Variants in POLR3G observed in about 807,000 individuals in gnomAD.
POLR3G encodes the protein DNA-directed RNA polymerase III subunit RPC7.
A neutral mutation model predicts 30.1 loss-of-function variants in POLR3G; 28 were observed. The ratio of observed to expected loss-of-function variants is 0.93; its 90% confidence interval spans 0.69 to 1.27. The LOEUF (loss-of-function observed/expected upper bound fraction) is 1.27, where lower values mean the gene tolerates loss of function less well. Among genes scored for constraint, POLR3G ranks in the 50% most tolerant of loss-of-function variants. POLR3G has a pLI of 0.00. For synonymous variants in POLR3G, 79 were observed against 82.5 expected (o/e 0.96, Z 0.23); for missense variants, 254 against 264.6 (o/e 0.96, Z 0.28).
chr5:90,501,844 A>T, intron 5 of POLR3G, 62 bp from the exon 6 acceptor site: 1 of 1,587,922 alleles, frequency 6.3e-7, no homozygotes, highest in Non-Finnish European at 8.6e-7. Context: ...ACGCAAAGAC[A>T]AGGAAATATA....
intron 2 of POLR3G, among the ~76,000 whole-genome samples, chr5:90,487,378 ATTTTTTTTTTTTTT>A (rs59951999): frequency 8.8e-5 from 5 of 57,020 alleles, no homozygotes; most frequent in Non-Finnish European, 1.5e-4. Context: ...TGGTACATTA[ATTTTTTTTTTTTTT>A]TTTTTTTTTT....
upstream of POLR3G, chr5:90,474,628 A>T: frequency 6.0e-6 from 2 of 331,926 alleles, no homozygotes; most frequent in South Asian, 5.9e-5. Flanking sequence ...ATGGAGACTC[A>T]GGTGGCGACC....
At chr5:90,504,020 G>A (rs1327645830) in intron 6 of POLR3G, among the ~76,000 whole-genome samples, 1 of 152,198 alleles carries the variant, frequency 6.6e-6, no homozygotes, top group Non-Finnish European at 1.5e-5. Flanking sequence ...AGACTAGTAA[G>A]TAGAAGAGCT....
At chr5:90,499,918 T>C (rs1752168297) in intron 5 of POLR3G, among the ~76,000 whole-genome samples, 1 of 152,166 alleles carries the variant, frequency 6.6e-6, no homozygotes, top group Admixed American at 6.5e-5. Context: ...AATATATTAT[T>C]TTCATAATAA....
Position 90,514,062 on chromosome 5 carries a change from G to C in POLR3G, c.*1923G>C, listed in dbSNP as rs1325937778. The C allele has an allele frequency of 1.3e-5, 2 of 152,154 alleles. No individual in the cohort carries two copies. The highest frequency in any genetic ancestry group is 2.9e-5 in the Non-Finnish European group (2 of 68,024). 9.4% of individuals were successfully genotyped at this position (152,154 alleles called of 1,614,324 possible). ...GACCATTTTAGTCTTGCAGATAGCA[G>C]GGCAGCCCCTTGGGGCAAGGATTTA... On this transcript the variant is annotated 3_prime_UTR_variant, in exon 8 of 8. Coordinates refer to ENST00000651687, the MANE Select transcript of POLR3G (RefSeq NM_006467.3).
At chr5:90,491,130 T>C (rs979690294) in intron 3 of POLR3G, among the ~76,000 whole-genome samples, 1 of 152,252 alleles carries the variant, frequency 6.6e-6, no homozygotes, top group African/African-American at 2.4e-5. Context: ...ACTGATGGCA[T>C]GGAATGAACA....
upstream of POLR3G, chr5:90,474,419 G>C (rs1465046969): frequency 3.5e-6 from 3 of 848,940 alleles, no homozygotes; most frequent in Admixed American, 7.8e-5. Flanking sequence ...CGTAGAGCGA[G>C]GCGGGGGCGT....
intron 3 of POLR3G, among the ~76,000 whole-genome samples, chr5:90,490,280 T>G (rs544107350): frequency 2.0e-5 from 3 of 151,646 alleles, no homozygotes; most frequent in Non-Finnish European, 4.4e-5. Context: ...AAGGGTTTTT[T>G]TTTTTTTTTT....
chr5:90,478,596 C>T (rs1278024038), intron 1 of POLR3G, among the ~76,000 whole-genome samples: 5 of 12,636 alleles, frequency 4.0e-4, no homozygotes, highest in Non-Finnish European at 9.4e-4. Flanking sequence ...TGAGAGGGAG[C>T]CTCACTCTGT....
In POLR3G at chr5:90,513,535, CAT is replaced by C. The variant is rs1752830364; in HGVS notation, c.*1397_*1398del. 6.6e-6 allele frequency: 1 copy of C among 152,534 alleles called. No individual in the cohort carries two copies. Among genetic ancestry groups the C allele is most frequent in the African/African-American group, 2.4e-5 (1 of 41,444 alleles). 9.4% of individuals were successfully genotyped at this position (152,534 alleles called of 1,614,324 possible). On this transcript the variant is annotated 3_prime_UTR_variant, in exon 8 of 8. Coordinates refer to ENST00000651687, the MANE Select transcript of POLR3G (RefSeq NM_006467.3). Reference sequence around the variant, plus strand: ...TAACTGAAAGCACAATTTTAAGAAACATGTTTTCCTCACAAAATATATTGTAA... The same window carrying C: ...TAACTGAAAGCACAATTTTAAGAAACGTTTTCCTCACAAAATATATTGTAA...
chr5:90,491,709 T>C (rs1751733529), intron 3 of POLR3G, among the ~76,000 whole-genome samples: 1 of 152,156 alleles, frequency 6.6e-6, no homozygotes. Context: ...AATTATGGAA[T>C]CTGAGTGATC....
chr5:90,496,626 A>C (rs751800171), intron 4 of POLR3G, among the ~76,000 whole-genome samples: 2 of 152,230 alleles, frequency 1.3e-5, no homozygotes, highest in Non-Finnish European at 2.9e-5. Flanking sequence ...TTGTCATAGA[A>C]ATAAAGTGAC....
At chr5:90,493,917 C>T (rs941257606) in intron 3 of POLR3G, among the ~76,000 whole-genome samples, 6 of 151,496 alleles carry the variant, frequency 4.0e-5, no homozygotes, top group African/African-American at 1.2e-4. Flanking sequence ...ACCATGTTGG[C>T]CCGGCTGGTC....
At chr5:90,474,015 T>C (rs749328519), upstream of POLR3G, 22 of 1,596,410 alleles carry the variant, frequency 1.4e-5, no homozygotes, top group African/African-American at 2.7e-5. Flanking sequence ...GTCGAACTGG[T>C]AGAGGCCGCC....
At chr5:90,510,915 G>A (rs1197834239) in intron 7 of POLR3G, among the ~76,000 whole-genome samples, 1 of 150,476 alleles carries the variant, frequency 6.6e-6, no homozygotes, top group African/African-American at 2.4e-5. Flanking sequence ...ATTGATAGGA[G>A]ACTTTCTTTT....
At chr5:90,484,075 G>A (rs779608232) in intron 1 of POLR3G, among the ~76,000 whole-genome samples, 6 of 152,082 alleles carry the variant, frequency 3.9e-5, no homozygotes, top group Non-Finnish European at 7.3e-5. Context: ...GAATCACCTG[G>A]GAAGCTTCTA....
intron 1 of POLR3G, among the ~76,000 whole-genome samples, chr5:90,475,344 A>C (rs546045008): frequency 2.8e-4 from 42 of 152,308 alleles, no homozygotes; most frequent in African/African-American, 9.9e-4. Context: ...TCATTGCCGC[A>C]GATTGCAGCT....
rs529026659 is a variant in POLR3G, at chr5:90,488,678, T to G, written c.247+549T>G. Among the ~76,000 whole-genome samples the G allele has an allele frequency of 1.4e-3, 216 of 152,340 alleles. 3 individuals are homozygous for G. Among genetic ancestry groups the G allele is most frequent in the Non-Finnish European group, 9.6e-4 (65 of 68,020 alleles). ...TTGCTTGTATATATAATGCCGTGATTGTTATCATTATACATAAACCTTTAT... is the reference window on the plus strand; with the variant it reads ...TTGCTTGTATATATAATGCCGTGATGGTTATCATTATACATAAACCTTTAT... On this transcript the variant is annotated intron_variant, in intron 3 of 7. Transcript: ENST00000651687.
rs1056127952 is a variant in POLR3G, at chr5:90,512,334, A to G, written c.*195A>G. Reference sequence around the variant, plus strand: ...AAAAATTATTCCCTGACACTCTGACATTCCTTCTAAACACCTCTGCCATCT... The same window carrying G: ...AAAAATTATTCCCTGACACTCTGACGTTCCTTCTAAACACCTCTGCCATCT... On this transcript the variant is annotated 3_prime_UTR_variant, in exon 8 of 8. Transcript: ENST00000651687. 4.2e-5 allele frequency: 22 copies of G among 521,398 alleles called. No homozygotes were observed. Among genetic ancestry groups the G allele is most frequent in the Non-Finnish European group, 3.2e-5 (9 of 283,212 alleles). The allele number at this position is 521,398 out of a possible 1,614,324, so 32.3% of individuals were successfully genotyped here. A position where few individuals can be genotyped will look rare whatever the true frequency, so the allele number is the denominator to read the frequency against.
Sources: gnomAD v4.1 joint callset for allele counts (sites outside exome capture counted in the v4.1 genomes callset) on GRCh38, gnomAD v4.1.1 for gene constraint, MANE v1.5 for transcripts, NCBI Gene and HGNC (gene_info 2026-07-23, HGNC 2026-07-21) for gene names.